Variants in MCM8 observed in about 807,000 individuals in gnomAD.
MCM8 encodes the protein DNA helicase MCM8.
MCM8 carries 85 observed loss-of-function variants against 98.9 expected under a neutral mutation model. The observed-to-expected ratio is 0.86, with a 90% CI of 0.72 to 1.03. The LOEUF is 1.03. Among genes scored for constraint, MCM8 ranks in the 50% least tolerant of loss-of-function variants. MCM8 has a pLI of 0.00. For synonymous variants in MCM8, 352 were observed against 338.6 expected, an observed-to-expected ratio of 1.04 and a Z score of -0.44; for missense variants, 951 against 997.8, an observed-to-expected ratio of 0.95 and a Z score of 0.63.
rs1268083635 is a variant in MCM8, at chr20:5,958,712, A to T, written c.775A>T (p.Ser259Cys). Residue 259 changes from serine (S) to cysteine (C), a missense_variant, in exon 7 of 19, where the codon AGT becomes TGT. Transcript: ENST00000610722. Reference sequence around the variant, plus strand: ...CTTTCCTCTTCCAGATGGAAAATACAGTCTTCCCACAAAGGTAATACGTTC... The same window carrying T: ...CTTTCCTCTTCCAGATGGAAAATACTGTCTTCCCACAAAGGTAATACGTTC... Reference protein sequence around the residue: ...QSFPLPDGKYSLPTKCPVPVC... With the variant: ...QSFPLPDGKYCLPTKCPVPVC... The T allele has an allele frequency of 6.2e-7, 1 of 1,614,174 alleles. No individual in the cohort carries two copies. Among genetic ancestry groups the T allele is most frequent in the South Asian group, 1.1e-5 (1 of 91,084 alleles).
intron 12 of MCM8, among the ~76,000 whole-genome samples, chr20:5,975,494 GCT>G (rs1157946765): frequency 2.4e-4 from 34 of 140,166 alleles, no homozygotes; most frequent in African/African-American, 1.8e-4. Context: ...TCCTTTTTTT[GCT>G]CTTTTTTTTT....
chr20:5,967,293 A>G, intron 8 of MCM8, 143 bp from the exon 9 acceptor site: 1 of 551,908 alleles, frequency 1.8e-6, no homozygotes, highest in Non-Finnish European at 2.9e-6. Context: ...AAACTGCTGA[A>G]GTAATTTTAG....
intron 13 of MCM8, among the ~76,000 whole-genome samples, chr20:5,980,023 A>T (rs1177756682): frequency 6.6e-6 from 1 of 152,100 alleles, no homozygotes; most frequent in Non-Finnish European, 1.5e-5. Flanking sequence ...TTTCCTCATA[A>T]GGGCCTTTGT....
intron 5 of MCM8, among the ~76,000 whole-genome samples, chr20:5,956,769 C>G (rs1387796607): frequency 6.6e-6 from 1 of 150,596 alleles, no homozygotes; most frequent in Non-Finnish European, 1.5e-5. Context: ...TTTTCTGTGT[C>G]TTGATTGGTC....
At chr20:5,975,399 T>C (rs1422482043) in intron 12 of MCM8, among the ~76,000 whole-genome samples, 2 of 152,162 alleles carry the variant, frequency 1.3e-5, no homozygotes, top group African/African-American at 4.8e-5. Context: ...TAGTGAATTA[T>C]AGGTGGGAGC....
At chr20:5,986,872 G>A (rs2089744886) in intron 16 of MCM8, among the ~76,000 whole-genome samples, 1 of 152,138 alleles carries the variant, frequency 6.6e-6, no homozygotes, top group South Asian at 2.1e-4. Flanking sequence ...TGTCACCTAG[G>A]CTGGAGTTCA....
In MCM8 at chr20:5,995,221, G is replaced by C. The variant is rs2089940045; in HGVS notation, c.*830G>C. 6.6e-6 allele frequency: 1 copy of C among 152,466 alleles called. No individual in the cohort carries two copies. The highest frequency in any genetic ancestry group is 2.1e-4 in the South Asian group (1 of 4,840). The allele number at this position is 152,466 out of a possible 1,614,324, so 9.4% of individuals were successfully genotyped here. On this transcript the variant is annotated 3_prime_UTR_variant, in exon 19 of 19. Coordinates refer to ENST00000610722, the MANE Select transcript of MCM8 (RefSeq NM_032485.6). Reference sequence around the variant, plus strand: ...TTTTGTTTTTAGCTATTTAATAATAGGTCTCATTTATTCCACAGGCTGTAG... The same window carrying C: ...TTTTGTTTTTAGCTATTTAATAATACGTCTCATTTATTCCACAGGCTGTAG...
rs1768992124 is a variant in MCM8 at position 5,998,722 on chromosome 20, C to T, written c.*4331C>T. 1 of 152,192 alleles carries T rather than the reference C, an allele frequency of 6.6e-6. No homozygotes were observed. The highest frequency in any genetic ancestry group is 1.5e-5 in the Non-Finnish European group (1 of 68,038). 9.4% of individuals were successfully genotyped at this position (152,192 alleles called of 1,614,324 possible). A position where few individuals can be genotyped will look rare whatever the true frequency, so the allele number is the denominator to read the frequency against. On this transcript the variant is annotated 3_prime_UTR_variant, in exon 19 of 19. Transcript: ENST00000610722. ...TTCCTGCAACTAATCACTCATACAT[C>T]TGTATCTAAAGCACTCCACCTGGGT...
intron 1 of MCM8, among the ~76,000 whole-genome samples, 191 bp from the exon 2 acceptor site, chr20:5,951,820 A>G (rs982377634): frequency 1.3e-5 from 2 of 152,242 alleles, no homozygotes; most frequent in African/African-American, 4.8e-5. Flanking sequence ...GGTATACCTT[A>G]AAAAGCGATA....
chr20:5,959,864 A>G (rs2089096304), intron 7 of MCM8, among the ~76,000 whole-genome samples: 1 of 151,880 alleles, frequency 6.6e-6, no homozygotes, highest in African/African-American at 2.4e-5. Context: ...ATGCCTGGCT[A>G]ATTTTTGTAT....
At chr20:5,963,644 C>T (rs1028152254) in intron 8 of MCM8, among the ~76,000 whole-genome samples, 1 of 151,250 alleles carries the variant, frequency 6.6e-6, no homozygotes, top group Non-Finnish European at 1.5e-5. Flanking sequence ...TCTCCTGCCT[C>T]AGCCTCCTGA....
At position 5,970,579 on chromosome 20, in the gene MCM8, G is replaced by T. The variant is rs187077088; in HGVS notation, c.1224-1428G>T. 4.2e-3 allele frequency among the ~76,000 whole-genome samples: 633 copies of T among 152,292 alleles called. 3 individuals are homozygous for T. The highest frequency in any genetic ancestry group is 0.014 in the African/African-American group (573 of 41,560). On this transcript the variant is annotated intron_variant, in intron 10 of 18. Transcript: ENST00000610722. The stretch of plus-strand genomic sequence containing the variant: ...CATCCTGCCTGCCAATGATGCTTGT[G>T]TGGCCATAGAAAGGTCTTTGGCAGA...
At chr20:5,951,387 T>C (rs1448387410) in intron 1 of MCM8, among the ~76,000 whole-genome samples, 1 of 152,240 alleles carries the variant, frequency 6.6e-6, no homozygotes, top group Non-Finnish European at 1.5e-5. Flanking sequence ...ACTAAACCCC[T>C]TTTAAGTAAG....
At chr20:5,981,031 A>AGG (rs760413515) in intron 13 of MCM8, among the ~76,000 whole-genome samples, 5,444 of 137,716 alleles carry the variant, frequency 0.04, 127 homozygotes, top group Middle Eastern at 0.11. Flanking sequence ...GTAAAGGACA[A>AGG]ACAAACAAAC....
chr20:5,965,028 T>C (rs943226563), intron 8 of MCM8, among the ~76,000 whole-genome samples: 13 of 152,240 alleles, frequency 8.5e-5, no homozygotes, highest in African/African-American at 2.9e-4. Flanking sequence ...CTTGTTCTTT[T>C]ATCTTCTAGA....
intron 4 of MCM8, 74 bp from the exon 5 acceptor site, chr20:5,955,028 A>C (rs564262530): frequency 9.6e-7 from 1 of 1,037,400 alleles, no homozygotes; most frequent in Non-Finnish European, 1.4e-6. Context: ...CTCAAAGTCT[A>C]TAATAGAATG....
At chr20:5,963,609 A>G (rs12106220) in intron 8 of MCM8, among the ~76,000 whole-genome samples, 32,227 of 150,006 alleles carry the variant, frequency 0.21, 4,792 homozygotes, top group African/African-American at 0.42. Context: ...GCTCACTGCA[A>G]GCTCTCCCTC....
At chr20:5,986,152 A>T in intron 16 of MCM8, 21 bp downstream of exon 16, 1 of 1,612,400 alleles carries the variant, frequency 6.2e-7, no homozygotes, top group South Asian at 1.1e-5. Context: ...TTTTATGGTC[A>T]TGCTTTTTTT....
intron 12 of MCM8, 81 bp from the exon 13 acceptor site, chr20:5,977,795 C>T (rs1162569970): frequency 4.7e-6 from 7 of 1,475,048 alleles, no homozygotes; most frequent in South Asian, 2.4e-5. Flanking sequence ...CTAGCATATA[C>T]CTAACGTTTG....
Sources: gnomAD v4.1 joint callset for allele counts (sites outside exome capture counted in the v4.1 genomes callset) on GRCh38, gnomAD v4.1.1 for gene constraint, MANE v1.5 for transcripts, NCBI Gene and HGNC (gene_info 2026-07-23, HGNC 2026-07-21) for gene names.